The following CNTN4 variants were observed in gnomAD, a reference collection of about 807,000 sequenced individuals.
CNTN4 encodes the protein contactin 4, also known as contactin-4.
CNTN4 carries 77 observed loss-of-function variants against 122.5 expected under a neutral mutation model. That is an observed-to-expected ratio of 0.63 (90% CI 0.52 to 0.76). The LOEUF is 0.76. Among genes scored for constraint, CNTN4 ranks in the 30% least tolerant of loss-of-function variants. The pLI, the probability that CNTN4 is intolerant of heterozygous loss-of-function variation, is 0.00. For missense variants in CNTN4, 1,256 were observed against 1,259.1 expected, an observed-to-expected ratio of 1.00 and a Z score of 0.04; for synonymous variants, 512 against 447.0, an observed-to-expected ratio of 1.15 and a Z score of -1.83.
intron 3 of CNTN4, among the ~76,000 whole-genome samples, chr3:2,384,382 C>T (rs1310668095): frequency 1.3e-5 from 2 of 152,124 alleles, no homozygotes; most frequent in African/African-American, 4.8e-5. Flanking sequence ...CATCTTACCT[C>T]TTCCAAAGTC....
rs1054134433 is a variant in CNTN4, at chr3:2,460,462, C to A, written c.-88-110954C>A. 3.9e-5 allele frequency among the ~76,000 whole-genome samples: 6 copies of A among 152,244 alleles called. No individual in the cohort carries two copies. In the East Asian group the frequency reaches 1.2e-3, roughly 29 times the overall value. On this transcript the variant is annotated intron_variant, in intron 3 of 24. Coordinates refer to ENST00000418658, the MANE Select transcript of CNTN4 (RefSeq NM_175607.3). ...ACCATCAGCACTGTGAGGCCTGGAA[C>A]TTTGCCATGACTGCTACCTCCTTTG...
At chr3:2,402,619 C>A (rs1340375659) in intron 3 of CNTN4, among the ~76,000 whole-genome samples, 1 of 152,006 alleles carries the variant, frequency 6.6e-6, no homozygotes. Flanking sequence ...TAACTAGTGA[C>A]CCTACTTGTG....
intron 2 of CNTN4, among the ~76,000 whole-genome samples, chr3:2,190,020 T>C (rs962564871): frequency 6.6e-6 from 1 of 152,210 alleles, no homozygotes; most frequent in Non-Finnish European, 1.5e-5. Context: ...GACTCTGCTC[T>C]CCTGCAGATA....
chr3:2,606,241 A>G (rs140621811), intron 4 of CNTN4, among the ~76,000 whole-genome samples: 92 of 152,306 alleles, frequency 6.0e-4, no homozygotes, highest in African/African-American at 2.0e-3. Context: ...TTCCTTGGCA[A>G]TAAGAAGTTA....
chr3:2,277,372 G>A (rs1199302385), intron 2 of CNTN4, among the ~76,000 whole-genome samples: 1 of 152,118 alleles, frequency 6.6e-6, no homozygotes, highest in Non-Finnish European at 1.5e-5. Context: ...TAAAACACAT[G>A]CTAACTGTTG....
chr3:2,351,400 G>A (rs1290152090), intron 3 of CNTN4, among the ~76,000 whole-genome samples: 2 of 152,108 alleles, frequency 1.3e-5, no homozygotes, highest in Admixed American at 1.3e-4. Flanking sequence ...AGGAGAGAAC[G>A]TAGTTTTCCA....
intron 2 of CNTN4, among the ~76,000 whole-genome samples, chr3:2,206,194 C>T (rs1440775048): frequency 9.9e-5 from 15 of 152,076 alleles, no homozygotes; most frequent in Non-Finnish European, 1.3e-4. Flanking sequence ...AGTAATACCT[C>T]ACTGCAACCT....
Position 3,034,691 on chromosome 3 carries a change from C to G in CNTN4, c.1843C>G (p.Leu615Val). The G allele has an allele frequency of 6.2e-7, 1 of 1,614,124 alleles. No individual in the cohort carries two copies. The highest frequency in any genetic ancestry group is 1.3e-5 in the African/African-American group (1 of 75,040). The change falls in exon 17 of 25, where the codon CTC becomes GTC. Residue 615 changes from leucine (L) to valine (V), a missense_variant. Coordinates refer to ENST00000418658, the MANE Select transcript of CNTN4 (RefSeq NM_175607.3). ...IDEITDTTAQ[L>V]SWRPGPDNHS... ...CGAAATCACAGATACCACTGCTCAG[C>G]TCTCCTGGAGACCCGGGCCTGACAA...
intron 7 of CNTN4, among the ~76,000 whole-genome samples, chr3:2,865,906 C>T (rs1419022048): frequency 6.6e-6 from 1 of 152,182 alleles, no homozygotes; most frequent in Non-Finnish European, 1.5e-5. Flanking sequence ...ATTCATCCCA[C>T]TGGTCTTATG....
rs189299323 is a variant in CNTN4 at position 2,992,575 on chromosome 3, T to C, written c.1486+4103T>C. Among the ~76,000 whole-genome samples the C allele has an allele frequency of 1.5e-3, 221 of 152,298 alleles. 1 individual carries two copies. The highest frequency in any genetic ancestry group is 1.5e-3 in the Non-Finnish European group (102 of 68,022). ...TTTGCATGACACAGTGCCTCTGCTA[T>C]ACAGGTTTCATATGACAGATATTTT... On this transcript the variant is annotated intron_variant, in intron 14 of 24. Transcript: ENST00000418658.
At chr3:3,021,692 A>G (rs1698307643) in intron 14 of CNTN4, among the ~76,000 whole-genome samples, 1 of 152,218 alleles carries the variant, frequency 6.6e-6, no homozygotes, top group Non-Finnish European at 1.5e-5. Flanking sequence ...GATAAATTAT[A>G]CACTAAAATG....
intron 3 of CNTN4, among the ~76,000 whole-genome samples, chr3:2,444,630 G>T (rs184468701): frequency 4.0e-4 from 61 of 152,206 alleles, no homozygotes; most frequent in Non-Finnish European, 7.5e-4. Context: ...TTAAGTGGAA[G>T]ATCAAAGTAG....
chr3:2,364,124 A>T (rs1380195515), intron 3 of CNTN4, among the ~76,000 whole-genome samples: 3 of 152,150 alleles, frequency 2.0e-5, no homozygotes, highest in African/African-American at 4.8e-5. Context: ...GGGGTGGGCA[A>T]CGTGGTATAT....
At chr3:2,849,436 AT>A (rs1316300314) in intron 7 of CNTN4, among the ~76,000 whole-genome samples, 2 of 152,204 alleles carry the variant, frequency 1.3e-5, no homozygotes, top group South Asian at 2.1e-4. Context: ...TGCCACACTA[AT>A]TTTTTTTAAA....
intron 2 of CNTN4, among the ~76,000 whole-genome samples, chr3:2,160,709 T>C (rs1313261873): frequency 6.6e-6 from 1 of 152,158 alleles, no homozygotes; most frequent in Non-Finnish European, 1.5e-5. Flanking sequence ...TTAAACTTCC[T>C]CAGCAAGGGC....
intron 8 of CNTN4, among the ~76,000 whole-genome samples, chr3:2,870,598 A>T (rs933138391): frequency 6.6e-6 from 1 of 152,180 alleles, no homozygotes; most frequent in Admixed American, 6.5e-5. Context: ...TGTATATTAG[A>T]CTGGTAAGTG....
At chr3:3,016,202 T>A (rs1697742154) in intron 14 of CNTN4, among the ~76,000 whole-genome samples, 1 of 152,244 alleles carries the variant, frequency 6.6e-6, no homozygotes, top group Admixed American at 6.5e-5. Context: ...TACAATGTAT[T>A]TAATTTGTCA....
intron 3 of CNTN4, among the ~76,000 whole-genome samples, chr3:2,547,441 T>A (rs1409646942): frequency 6.6e-6 from 1 of 151,964 alleles, no homozygotes; most frequent in Non-Finnish European, 1.5e-5. Flanking sequence ...AATTTTTGTA[T>A]TTTTAGTAAA....
intron 3 of CNTN4, among the ~76,000 whole-genome samples, chr3:2,515,361 A>T (rs994816540): frequency 6.6e-6 from 1 of 152,222 alleles, no homozygotes; most frequent in Non-Finnish European, 1.5e-5. Flanking sequence ...TACTTTAAAA[A>T]TAAAACAAGT....
Sources: allele counts gnomAD v4.1 joint callset (sites outside exome capture counted in the v4.1 genomes callset), GRCh38; gene constraint gnomAD v4.1.1; transcripts MANE v1.5; gene names NCBI Gene and HGNC (gene_info 2026-07-23, HGNC 2026-07-21).